CPEB3: variants seen among roughly 807,000 people sequenced by gnomAD.
CPEB3 encodes the protein cytoplasmic polyadenylation element-binding protein 3.
In CPEB3, 20 loss-of-function variants were observed where a neutral mutation model predicts 67.2. The ratio of observed to expected loss-of-function variants is 0.30; its 90% confidence interval spans 0.21 to 0.43. CPEB3 has a LOEUF of 0.43. Ranked by LOEUF, CPEB3 falls within the 20% of genes least tolerant of loss-of-function variation. The probability of loss-of-function intolerance (pLI) is 1.00; values close to 1 mark genes in which losing one functional copy is unlikely to be tolerated. For missense variants in CPEB3, 746 were observed against 968.6 expected, an observed-to-expected ratio of 0.77 and a Z score of 3.05; for synonymous variants, 376 against 393.1, an observed-to-expected ratio of 0.96 and a Z score of 0.51.
Position 92,096,913 on chromosome 10 carries a change from T to A in CPEB3, c.1573-4969A>T, listed in dbSNP as rs180822889. Among the ~76,000 whole-genome samples, 525 of 152,278 alleles carry A rather than the reference T, an allele frequency of 3.4e-3. 2 individuals carry two copies. Among genetic ancestry groups the A allele is most frequent in the South Asian group, 0.016 (75 of 4,812 alleles). On this transcript the variant is annotated intron_variant, in intron 7 of 9. Coordinates refer to ENST00000265997, the MANE Select transcript of CPEB3 (RefSeq NM_014912.5). The stretch of plus-strand genomic sequence containing the variant: ...GTGAGCAAAGATCGTGCCACTGTAC[T>A]CCAGCCTGGGTGACAGAGTGAGACC...
intron 1 of CPEB3, among the ~76,000 whole-genome samples, chr10:92,287,085 C>T (rs1259379283): frequency 6.6e-6 from 1 of 151,394 alleles, no homozygotes; most frequent in East Asian, 1.9e-4. Context: ...TTGTTTTTGT[C>T]TATAGTCATG....
At chr10:92,172,635 A>C (rs917281076) in intron 4 of CPEB3, among the ~76,000 whole-genome samples, 2 of 152,252 alleles carry the variant, frequency 1.3e-5, no homozygotes, top group African/African-American at 2.4e-5. Flanking sequence ...ACATGCTGAC[A>C]TGCAATTTAC....
chr10:92,184,000 T>C (rs546289903), intron 3 of CPEB3, among the ~76,000 whole-genome samples: 3 of 152,354 alleles, frequency 2.0e-5, no homozygotes, highest in Non-Finnish European at 4.4e-5. Flanking sequence ...CTCCAGAAGT[T>C]AAACATACCT....
intron 4 of CPEB3, among the ~76,000 whole-genome samples, chr10:92,171,162 G>A (rs1260618639): frequency 6.6e-6 from 1 of 152,174 alleles, no homozygotes; most frequent in Non-Finnish European, 1.5e-5. Context: ...GTTATGACAA[G>A]GAATTGACCT....
chr10:92,210,618 T>C (rs562756058), intron 2 of CPEB3, among the ~76,000 whole-genome samples: 1 of 152,340 alleles, frequency 6.6e-6, no homozygotes. Context: ...CTGTAGTCTC[T>C]TGGAAAAACT....
intron 4 of CPEB3, among the ~76,000 whole-genome samples, chr10:92,151,480 T>C (rs1290368418): frequency 1.3e-5 from 2 of 152,144 alleles, no homozygotes; most frequent in African/African-American, 4.8e-5. Context: ...CAAAAAACAT[T>C]TCACTTATGG....
At chr10:92,163,924 T>C (rs1316810180) in intron 4 of CPEB3, among the ~76,000 whole-genome samples, 2 of 152,242 alleles carry the variant, frequency 1.3e-5, no homozygotes, top group Non-Finnish European at 2.9e-5. Flanking sequence ...ATTAAGCATT[T>C]GGATGTCTTA....
intron 3 of CPEB3, among the ~76,000 whole-genome samples, chr10:92,191,685 C>T (rs1848993333): frequency 2.0e-5 from 3 of 152,152 alleles, no homozygotes; most frequent in African/African-American, 7.2e-5. Context: ...ATCCCCATGG[C>T]TACCTCTTCA....
chr10:92,273,802 T>C (rs992757042), intron 1 of CPEB3, among the ~76,000 whole-genome samples: 1 of 152,154 alleles, frequency 6.6e-6, no homozygotes, highest in Non-Finnish European at 1.5e-5. Flanking sequence ...GAGATGTTTC[T>C]GGTCCCAAGC....
At chr10:92,179,569 A>G (rs574461282) in intron 4 of CPEB3, among the ~76,000 whole-genome samples, 1 of 152,338 alleles carries the variant, frequency 6.6e-6, no homozygotes, top group East Asian at 1.9e-4. Context: ...ATTCCCATCG[A>G]CTAGAAAAAA....
chr10:92,098,318 CT>C lies in CPEB3; in HGVS notation c.1573-6375del, dbSNP rs574180825. Among the ~76,000 whole-genome samples, 71 of 150,234 alleles carry C rather than the reference CT, an allele frequency of 4.7e-4. 1 individual carries two copies. In the East Asian group the frequency reaches 0.011, roughly 23 times the overall value. ...TAATTCTGCCCTACTATACCTTACT[CT>C]TTTTTTGAGACGGAGTTTCGCTCTT... is the stretch of plus-strand genomic sequence containing the variant. On this transcript the variant is annotated intron_variant, in intron 7 of 9. Coordinates refer to ENST00000265997, the MANE Select transcript of CPEB3 (RefSeq NM_014912.5).
chr10:92,205,680 T>C (rs1028430701), intron 2 of CPEB3, among the ~76,000 whole-genome samples: 4 of 151,880 alleles, frequency 2.6e-5, no homozygotes, highest in East Asian at 3.9e-4. Flanking sequence ...TTTCACCACA[T>C]TGGCCAGGCT....
Position 92,240,224 on chromosome 10 carries a change from C to A in CPEB3, c.127G>T (p.Glu43Ter). Reference protein sequence around the residue: ...SEAPSTPLSSETPKPEENSAV... With the variant: ...SEAPSTPLSS The stretch of plus-strand genomic sequence containing the variant: ...CTGTTTTCCTCCGGCTTGGGGGTCT[C>A]TGAGGAGAGGGGCGTGGACGGGGCT... The change falls in exon 2 of 10, where the codon GAG (glutamate) becomes TAG (stop). Residue 43 changes from glutamate (E) to a stop codon, truncating the protein, a stop_gained. Transcript: ENST00000265997. LOFTEE classifies it high-confidence loss of function. 6.6e-7 allele frequency: 1 copy of A among 1,509,170 alleles called. No homozygotes were observed. The allele number at this position is 1,509,170 out of a possible 1,614,324, so 93.5% of individuals were successfully genotyped here.
At chr10:92,227,813 G>A (rs1372925872) in intron 2 of CPEB3, among the ~76,000 whole-genome samples, 3 of 151,886 alleles carry the variant, frequency 2.0e-5, no homozygotes, top group Admixed American at 6.6e-5. Flanking sequence ...GGATGGTCTC[G>A]ATCTCCTGAC....
Position 92,134,097 on chromosome 10 carries a change from A to C in CPEB3, c.1453+8932T>G, listed in dbSNP as rs528884744. Among the ~76,000 whole-genome samples, 3 of 152,346 alleles carry C rather than the reference A, an allele frequency of 2.0e-5. No homozygotes were observed. The East Asian group carries it at 5.8e-4, about 29-fold the overall frequency. The stretch of plus-strand genomic sequence containing the variant: ...GAAAAACTGGAAGCATTCCCTTTGA[A>C]AACTGGCACAAGACAAGAATGCCCT... On this transcript the variant is annotated intron_variant, in intron 6 of 9. Coordinates refer to ENST00000265997, the MANE Select transcript of CPEB3 (RefSeq NM_014912.5).
At chr10:92,212,907 A>C (rs1369187420) in intron 2 of CPEB3, among the ~76,000 whole-genome samples, 2 of 152,102 alleles carry the variant, frequency 1.3e-5, no homozygotes, top group South Asian at 2.1e-4. Flanking sequence ...CCATCTCTAC[A>C]AAAAATAAAT....
At chr10:92,060,364 A>T (rs576492733) in intron 9 of CPEB3, among the ~76,000 whole-genome samples, 1 of 152,234 alleles carries the variant, frequency 6.6e-6, no homozygotes, top group Non-Finnish European at 1.5e-5. Context: ...TATATATATA[A>T]ATCAAAATAG....
chr10:92,214,114 T>G (rs765113004), intron 2 of CPEB3, among the ~76,000 whole-genome samples: 2 of 152,156 alleles, frequency 1.3e-5, no homozygotes, highest in African/African-American at 4.8e-5. Flanking sequence ...CCAAAATTCA[T>G]GACTTGAACT....
intron 4 of CPEB3, among the ~76,000 whole-genome samples, chr10:92,150,874 C>A (rs1846934551): frequency 6.6e-6 from 1 of 152,064 alleles, no homozygotes; most frequent in Non-Finnish European, 1.5e-5. Context: ...CATGATACTG[C>A]CACATAAAAT....
Sources: gnomAD v4.1 joint callset for allele counts (sites outside exome capture counted in the v4.1 genomes callset) on GRCh38, gnomAD v4.1.1 for gene constraint, MANE v1.5 for transcripts, NCBI Gene and HGNC (gene_info 2026-07-23, HGNC 2026-07-21) for gene names.